Variants in CELF2 observed in about 807,000 individuals in gnomAD.
CELF2 encodes CUGBP Elav-like family member 2.
CELF2 carries 8 observed loss-of-function variants against 62.6 expected under a neutral mutation model. That is an observed-to-expected ratio of 0.13 (90% CI 0.07 to 0.23). The LOEUF (loss-of-function observed/expected upper bound fraction) is 0.23. Among genes scored for constraint, CELF2 ranks in the 10% least tolerant of loss-of-function variants. The pLI is 1.00. For missense variants in CELF2, 333 were observed against 671.0 expected, an observed-to-expected ratio of 0.50 and a Z score of 5.56; for synonymous variants, 258 against 250.0, an observed-to-expected ratio of 1.03 and a Z score of -0.30.
the CELF2 span, among the ~76,000 whole-genome samples, chr10:10,581,464 C>T: frequency 0.31 from 47,686 of 151,782 alleles, 7,910 homozygotes; most frequent in East Asian, 0.6. Context: ...ATGAGGAGAA[C>T]GCTCTGGCAG....
chr10:10,718,985 CTTTTTTTT>C, the CELF2 span, among the ~76,000 whole-genome samples: 14 of 125,130 alleles, frequency 1.1e-4, no homozygotes, highest in African/African-American at 4.2e-4. Flanking sequence ...TTATTATTCT[CTTTTTTTT>C]TTTTTTTTTT....
intron 3 of CELF2, among the ~76,000 whole-genome samples, chr10:11,234,818 G>A (rs749323330): frequency 3.7e-4 from 57 of 152,020 alleles, no homozygotes; most frequent in Non-Finnish European, 6.0e-4. Context: ...GACAACAAAC[G>A]CAGTAGAGAC....
chr10:10,757,472 A>G, the CELF2 span, among the ~76,000 whole-genome samples: 2 of 152,260 alleles, frequency 1.3e-5, no homozygotes, highest in East Asian at 3.9e-4. Flanking sequence ...ATAAAATAGA[A>G]TAAAATAGAC....
chr10:10,896,216 A>C (rs1293967600), intron 1 of CELF2, among the ~76,000 whole-genome samples: 1 of 152,214 alleles, frequency 6.6e-6, no homozygotes, highest in East Asian at 1.9e-4. Flanking sequence ...CATCAGCCAG[A>C]CAGGAACACC....
chr10:10,820,912 A>C (rs1590790361), intron 1 of CELF2, among the ~76,000 whole-genome samples: 1 of 152,256 alleles, frequency 6.6e-6, no homozygotes, highest in South Asian at 2.1e-4. Flanking sequence ...GAAGGGAACC[A>C]GAGTGAATCT....
the CELF2 span, among the ~76,000 whole-genome samples, chr10:10,591,792 C>T: frequency 6.6e-6 from 1 of 152,222 alleles, no homozygotes; most frequent in Non-Finnish European, 1.5e-5. Context: ...TCACCAGTAG[C>T]TCTGCTGTGC....
At chr10:11,085,071 G>A (rs893300833) in intron 1 of CELF2, among the ~76,000 whole-genome samples, 4 of 152,130 alleles carry the variant, frequency 2.6e-5, no homozygotes, top group South Asian at 2.1e-4. Flanking sequence ...GAATTTACTC[G>A]TTTGGCTTTT....
chr10:10,741,091 TA>T, the CELF2 span, among the ~76,000 whole-genome samples: 16 of 152,002 alleles, frequency 1.1e-4, no homozygotes, highest in South Asian at 2.1e-4. Flanking sequence ...CTCTTACCAC[TA>T]AAAAAAAGTT....
At chr10:11,020,288 G>C (rs1427187363) in intron 1 of CELF2, among the ~76,000 whole-genome samples, 3 of 152,216 alleles carry the variant, frequency 2.0e-5, no homozygotes, top group Non-Finnish European at 4.4e-5. Flanking sequence ...GGGAAGAAAA[G>C]AGGATTTGTA....
chr10:10,904,338 C>A (rs1450482763), intron 1 of CELF2, among the ~76,000 whole-genome samples: 1 of 151,906 alleles, frequency 6.6e-6, no homozygotes, highest in African/African-American at 2.4e-5. Context: ...GCGATCCTCC[C>A]ACGTCTACCT....
intron 11 of CELF2, among the ~76,000 whole-genome samples, chr10:11,323,479 T>C (rs2095559579): frequency 1.3e-5 from 2 of 150,172 alleles, no homozygotes; most frequent in South Asian, 4.2e-4. Context: ...CCAGATTTTC[T>C]ACTCCACAGT....
the CELF2 span, among the ~76,000 whole-genome samples, chr10:10,540,577 TA>T: frequency 6.6e-6 from 1 of 152,054 alleles, no homozygotes; most frequent in Admixed American, 6.6e-5. Context: ...TGCAGAAAAG[TA>T]AGGAGTGAAA....
intron 1 of CELF2, among the ~76,000 whole-genome samples, chr10:11,064,052 G>T: frequency 6.6e-6 from 1 of 152,168 alleles, no homozygotes; most frequent in South Asian, 2.1e-4. Context: ...GGTCTGCTGC[G>T]TGTCAGGCAT....
At chr10:10,888,877 C>G (rs143463944) in intron 1 of CELF2, among the ~76,000 whole-genome samples, 3 of 152,166 alleles carry the variant, frequency 2.0e-5, no homozygotes, top group African/African-American at 7.2e-5. Context: ...ATAACATGGT[C>G]TGTCTCCCCC....
At chr10:10,582,676 T>C in the CELF2 span, among the ~76,000 whole-genome samples, 3 of 152,206 alleles carry the variant, frequency 2.0e-5, no homozygotes, top group Non-Finnish European at 2.9e-5. Flanking sequence ...TCATATTCTC[T>C]GAGCTATACT....
At chr10:11,250,598 G>A (rs1472616015) in intron 4 of CELF2, among the ~76,000 whole-genome samples, 1 of 152,192 alleles carries the variant, frequency 6.6e-6, no homozygotes, top group Non-Finnish European at 1.5e-5. Flanking sequence ...AGCTGGGGCT[G>A]CAGCACTGAA....
At chr10:10,466,522 C>T in the CELF2 span, among the ~76,000 whole-genome samples, 5 of 152,034 alleles carry the variant, frequency 3.3e-5, no homozygotes, top group East Asian at 1.9e-4. Context: ...TATTCATGTG[C>T]AAGCCTTAAT....
chr10:10,771,893 C>T, the CELF2 span, among the ~76,000 whole-genome samples: 1 of 152,236 alleles, frequency 6.6e-6, no homozygotes, highest in Non-Finnish European at 1.5e-5. Flanking sequence ...GGCAACAACA[C>T]AGATTTCAGT....
In CELF2 at chr10:11,175,426, T is replaced by G. The variant is rs566345252; in HGVS notation, c.271+9744T>G. Reference sequence around the variant, plus strand: ...GATTGAAGTTTTGAAGACGCTAAAGTGCAGAGTGAAGCTATATATAGATAA... The same window carrying G: ...GATTGAAGTTTTGAAGACGCTAAAGGGCAGAGTGAAGCTATATATAGATAA... On this transcript the variant is annotated intron_variant, in intron 2 of 12. Transcript: ENST00000633077. Among the ~76,000 whole-genome samples, 3 of 152,334 alleles carry G rather than the reference T, an allele frequency of 2.0e-5. No homozygotes were observed. The East Asian group carries it at 5.8e-4, about 29-fold the overall frequency.
Sources: gnomAD v4.1 joint callset for allele counts (sites outside exome capture counted in the v4.1 genomes callset) on GRCh38, gnomAD v4.1.1 for gene constraint, MANE v1.5 for transcripts, NCBI Gene and HGNC (gene_info 2026-07-23, HGNC 2026-07-21) for gene names.